The following PTPRD variants were observed in gnomAD, a reference collection of about 807,000 sequenced individuals.
PTPRD encodes the protein protein tyrosine phosphatase receptor type D.
Under a neutral mutation model 214.5 loss-of-function variants are expected in PTPRD, and 34 were observed. That is an observed-to-expected ratio of 0.16 (90% CI 0.12 to 0.21). The LOEUF (loss-of-function observed/expected upper bound fraction) is 0.21, where lower values mean the gene tolerates loss of function less well. PTPRD is among the 10% of genes least tolerant of loss of function. The pLI is 1.00. For synonymous variants in PTPRD, 1,128 were observed against 845.7 expected (o/e 1.33, Z -5.79); for missense variants, 2,545 against 2,398.7 (o/e 1.06, Z -1.27).
At chr9:8,911,803 T>C (rs1211240230) in intron 11 of PTPRD, among the ~76,000 whole-genome samples, 1 of 152,126 alleles carries the variant, frequency 6.6e-6, no homozygotes, top group African/African-American at 2.4e-5. Context: ...AAGATATAAA[T>C]AACTCATAAA....
At chr9:8,427,011 A>C (rs898564369) in intron 35 of PTPRD, among the ~76,000 whole-genome samples, 1 of 152,100 alleles carries the variant, frequency 6.6e-6, no homozygotes, top group African/African-American at 2.4e-5. Context: ...GTTCTACTAG[A>C]TTTGTTTATA....
chr9:9,448,969 T>A (rs1434950362), intron 8 of PTPRD, among the ~76,000 whole-genome samples: 1 of 152,066 alleles, frequency 6.6e-6, no homozygotes, highest in Non-Finnish European at 1.5e-5. Context: ...AGATGTCTGC[T>A]CTCTCTGAGG....
intron 10 of PTPRD, among the ~76,000 whole-genome samples, chr9:9,038,377 C>T (rs1590250935): frequency 6.6e-6 from 1 of 152,014 alleles, no homozygotes; most frequent in Non-Finnish European, 1.5e-5. Flanking sequence ...AGCAAAATTC[C>T]CCCCACTTCG....
At chr9:9,837,450 T>A (rs1052180744) in intron 5 of PTPRD, among the ~76,000 whole-genome samples, 1 of 152,144 alleles carries the variant, frequency 6.6e-6, no homozygotes, top group East Asian at 1.9e-4. Flanking sequence ...TTGGAAGCCT[T>A]CCCCATTGTA....
chr9:9,224,509 T>C (rs1170431468), intron 9 of PTPRD, among the ~76,000 whole-genome samples: 1 of 152,004 alleles, frequency 6.6e-6, no homozygotes, highest in Non-Finnish European at 1.5e-5. Context: ...AAATGGGGGA[T>C]AATAAAATAT....
At chr9:10,260,725 T>C (rs913005005) in intron 3 of PTPRD, among the ~76,000 whole-genome samples, 2 of 152,090 alleles carry the variant, frequency 1.3e-5, no homozygotes, top group East Asian at 1.9e-4. Context: ...AGAAAGAGCA[T>C]GCAAGTTCCC....
chr9:9,148,517 C>T (rs539112589), intron 10 of PTPRD, among the ~76,000 whole-genome samples: 2 of 152,214 alleles, frequency 1.3e-5, no homozygotes, highest in East Asian at 3.9e-4. Flanking sequence ...GTCATGAACA[C>T]CAAGTACTCA....
At chr9:9,971,976 A>G (rs907795265) in intron 4 of PTPRD, among the ~76,000 whole-genome samples, 17 of 152,322 alleles carry the variant, frequency 1.1e-4, no homozygotes, top group African/African-American at 3.6e-4. Flanking sequence ...AATTAATAAA[A>G]TAACTGAATT....
intron 4 of PTPRD, among the ~76,000 whole-genome samples, chr9:10,000,506 C>A (rs77048476): frequency 0.097 from 14,779 of 152,132 alleles, 840 homozygotes; most frequent in African/African-American, 0.13. Context: ...CCCTTTTCAT[C>A]AGGAAGTAGC....
At chr9:10,242,571 G>T (rs2154363436) in intron 3 of PTPRD, among the ~76,000 whole-genome samples, 1 of 150,372 alleles carries the variant, frequency 6.7e-6, no homozygotes, top group South Asian at 2.1e-4. Context: ...AGAGTGATAT[G>T]TTGCTTTACT....
At chr9:8,389,671 C>T (rs762447844) in intron 36 of PTPRD, among the ~76,000 whole-genome samples, 1 of 152,092 alleles carries the variant, frequency 6.6e-6, no homozygotes, top group Non-Finnish European at 1.5e-5. Context: ...CCTTTTCCTT[C>T]ACTGGTTGTT....
intron 11 of PTPRD, among the ~76,000 whole-genome samples, chr9:8,782,079 CATA>C (rs2095729943): frequency 1.7e-5 from 1 of 59,648 alleles, no homozygotes; most frequent in Non-Finnish European, 3.7e-5. Context: ...TAAAACATAC[CATA>C]ATGTTTATGG....
intron 5 of PTPRD, among the ~76,000 whole-genome samples, chr9:9,925,386 G>A (rs2083914313): frequency 6.6e-6 from 1 of 152,012 alleles, no homozygotes; most frequent in South Asian, 2.1e-4. Context: ...TCTCTAACAG[G>A]AGGGTGACTG....
At chr9:8,364,144 A>G (rs7018576) in intron 39 of PTPRD, among the ~76,000 whole-genome samples, 85,332 of 152,138 alleles carry the variant, frequency 0.56, 25,732 homozygotes, top group Non-Finnish European at 0.69. Flanking sequence ...TGGCATGGTC[A>G]GAAGCAAAGG....
At chr9:8,489,008 G>C (rs1460596305) in intron 27 of PTPRD, among the ~76,000 whole-genome samples, 1 of 152,158 alleles carries the variant, frequency 6.6e-6, no homozygotes, top group East Asian at 1.9e-4. Context: ...GTTTCCGTGA[G>C]ATGCACGTAA....
rs532729362 is a variant in PTPRD, at chr9:10,474,248, C to G, written c.-599-133231G>C. ...GTATTCAGGAGACCCATCTCACGTT[C>G]AAAGACATACATAGGCTCAAAATAA... On this transcript the variant is annotated intron_variant, in intron 2 of 45. Transcript: ENST00000381196. Among the ~76,000 whole-genome samples, 228 of 149,486 alleles carry G rather than the reference C, an allele frequency of 1.5e-3. 1 individual carries two copies. Among genetic ancestry groups the G allele is most frequent in the Non-Finnish European group, 2.0e-3 (134 of 67,602 alleles).
At chr9:8,983,708 G>T (rs906739073) in intron 11 of PTPRD, among the ~76,000 whole-genome samples, 11 of 151,880 alleles carry the variant, frequency 7.2e-5, no homozygotes, top group South Asian at 4.2e-4. Flanking sequence ...TGTAGAGACA[G>T]GGTCTCATTA....
intron 5 of PTPRD, among the ~76,000 whole-genome samples, chr9:9,879,767 G>T (rs2068052301): frequency 6.6e-6 from 1 of 152,124 alleles, no homozygotes; most frequent in Non-Finnish European, 1.5e-5. Flanking sequence ...AAGCTTGAAA[G>T]GGTGGAACAT....
At chr9:8,743,777 T>C (rs6477336) in intron 11 of PTPRD, among the ~76,000 whole-genome samples, 11,123 of 144,674 alleles carry the variant, frequency 0.077, 1,098 homozygotes, top group African/African-American at 0.24. Context: ...CTAAAAAAGC[T>C]TCTGCACAGC....
Sources: allele counts gnomAD v4.1 joint callset (sites outside exome capture counted in the v4.1 genomes callset), GRCh38; gene constraint gnomAD v4.1.1; transcripts MANE v1.5; gene names NCBI Gene and HGNC (gene_info 2026-07-23, HGNC 2026-07-21).